The following ADARB2 variants were observed in gnomAD, a reference collection of about 807,000 sequenced individuals.
ADARB2 encodes the protein adenosine deaminase RNA specific B2 (inactive).
In ADARB2, 25 loss-of-function variants were observed where a neutral mutation model predicts 62.2. The ratio of observed to expected loss-of-function variants is 0.40; its 90% CI spans 0.29 to 0.56. The LOEUF (loss-of-function observed/expected upper bound fraction) is 0.56, where lower values mean the gene tolerates loss of function less well. Ranked by LOEUF, ADARB2 falls within the 20% of genes least tolerant of loss-of-function variation. The pLI is 0.43. For missense variants in ADARB2, 1,071 were observed against 1,077.4 expected, an observed-to-expected ratio of 0.99 and a Z score of 0.08; for synonymous variants, 572 against 500.8, an observed-to-expected ratio of 1.14 and a Z score of -1.90.
chr10:1,277,285 A>C (rs970463460), intron 3 of ADARB2, among the ~76,000 whole-genome samples: 16 of 152,232 alleles, frequency 1.1e-4, no homozygotes, highest in African/African-American at 3.9e-4. Flanking sequence ...ATAGAGACAC[A>C]AAAAACCCTT....
intron 3 of ADARB2, chr10:1,290,671 A>G (rs1328312121): frequency 1.3e-5 from 2 of 152,238 alleles, no homozygotes; most frequent in African/African-American, 4.8e-5. Context: ...CTGAGGGTTG[A>G]CGGTTGTGTG....
chr10:1,464,439 AGT>A (rs2131911847), intron 1 of ADARB2, among the ~76,000 whole-genome samples: 1 of 113,056 alleles, frequency 8.8e-6, no homozygotes, highest in Admixed American at 8.7e-5. Context: ...CACAGCGGGC[AGT>A]GCACCGGAGA....
At chr10:1,431,992 C>T (rs950964220) in intron 1 of ADARB2, among the ~76,000 whole-genome samples, 8 of 152,202 alleles carry the variant, frequency 5.3e-5, no homozygotes, top group Admixed American at 4.6e-4. Flanking sequence ...CTCCCCGCCA[C>T]ACTTCAGATT....
At chr10:1,657,730 C>T (rs1211004546) in intron 1 of ADARB2, among the ~76,000 whole-genome samples, 2 of 152,202 alleles carry the variant, frequency 1.3e-5, no homozygotes, top group African/African-American at 4.8e-5. Context: ...GAGCCAGGGG[C>T]CATGGTGAGA....
intron 3 of ADARB2, among the ~76,000 whole-genome samples, chr10:1,310,781 G>A (rs1831683175): frequency 6.6e-6 from 1 of 152,170 alleles, no homozygotes; most frequent in African/African-American, 2.4e-5. Context: ...TCTGACTCTC[G>A]TTTCCCCAAG....
intron 1 of ADARB2, among the ~76,000 whole-genome samples, chr10:1,515,755 C>T (rs931176685): frequency 4.6e-5 from 7 of 152,340 alleles, no homozygotes; most frequent in Non-Finnish European, 8.8e-5. Context: ...TCTTCCAGGC[C>T]CGGAAGGTGC....
chr10:1,632,635 A>C (rs1439532557), intron 1 of ADARB2, among the ~76,000 whole-genome samples: 1 of 152,188 alleles, frequency 6.6e-6, no homozygotes, highest in Non-Finnish European at 1.5e-5. Context: ...AACTGCCCTA[A>C]AGCCCTGAGA....
chr10:1,535,869 G>A (rs1173338979), intron 1 of ADARB2, among the ~76,000 whole-genome samples: 5 of 152,172 alleles, frequency 3.3e-5, no homozygotes, highest in Admixed American at 6.5e-5. Flanking sequence ...CTGCTGAGGC[G>A]TGGGGGCCAG....
At chr10:1,424,135 C>T (rs766790143) in intron 1 of ADARB2, among the ~76,000 whole-genome samples, 2 of 143,368 alleles carry the variant, frequency 1.4e-5, no homozygotes, top group South Asian at 2.2e-4. Flanking sequence ...GGGTCTACTA[C>T]GTATACAGTG....
intron 1 of ADARB2, among the ~76,000 whole-genome samples, chr10:1,544,642 C>G (rs369336699): frequency 6.6e-6 from 1 of 152,014 alleles, no homozygotes; most frequent in Non-Finnish European, 1.5e-5. Flanking sequence ...CAGGTACAGA[C>G]CCTGCTCTTA....
chr10:1,304,349 A>T (rs1350271635), intron 3 of ADARB2, among the ~76,000 whole-genome samples: 3 of 149,884 alleles, frequency 2.0e-5, no homozygotes, highest in African/African-American at 7.3e-5. Context: ...TATGCACCCA[A>T]TACAGGAGCA....
chr10:1,646,210 C>T (rs11592943), intron 1 of ADARB2, among the ~76,000 whole-genome samples: 77,207 of 152,094 alleles, frequency 0.51, 21,960 homozygotes, highest in Non-Finnish European at 0.64. Context: ...GCTCTGAAAA[C>T]GATGTGTCCT....
At chr10:1,330,395 T>A (rs1831917958) in intron 3 of ADARB2, among the ~76,000 whole-genome samples, 1 of 152,190 alleles carries the variant, frequency 6.6e-6, no homozygotes, top group Non-Finnish European at 1.5e-5. Flanking sequence ...TAAATCACTC[T>A]ATTAATTTGT....
chr10:1,434,102 A>G (rs1045731203), intron 1 of ADARB2, among the ~76,000 whole-genome samples: 6 of 152,216 alleles, frequency 3.9e-5, no homozygotes, highest in Non-Finnish European at 2.9e-5. Context: ...AAAGGGTTTG[A>G]GTTTCAGGTG....
intron 1 of ADARB2, among the ~76,000 whole-genome samples, chr10:1,435,444 G>A (rs1052759376): frequency 1.3e-5 from 2 of 152,120 alleles, no homozygotes; most frequent in Admixed American, 6.5e-5. Context: ...CCGCTTGAGG[G>A]CAGAGCCTTT....
intron 4 of ADARB2, among the ~76,000 whole-genome samples, chr10:1,248,951 CAAGAG>C (rs755249985): frequency 4.6e-5 from 7 of 152,144 alleles, no homozygotes; most frequent in Non-Finnish European, 1.0e-4. Context: ...CATATAAAGA[CAAGAG>C]AAGCCTTCGG....
chr10:1,511,241 G>T (rs1831932965), intron 1 of ADARB2, among the ~76,000 whole-genome samples: 1 of 152,204 alleles, frequency 6.6e-6, no homozygotes, highest in Non-Finnish European at 1.5e-5. Flanking sequence ...AAGCTAAGGT[G>T]AAGTGCTATG....
chr10:1,278,293 T>C (rs1039837191), intron 3 of ADARB2, among the ~76,000 whole-genome samples: 2 of 149,630 alleles, frequency 1.3e-5, no homozygotes, highest in South Asian at 4.2e-4. Context: ...TTTTTTCTTT[T>C]TTTTTTTTTA....
At position 1,510,729 on chromosome 10, in the gene ADARB2, C is replaced by T. The variant is rs544952134; in HGVS notation, c.101-131569G>A. 2.6e-5 allele frequency among the ~76,000 whole-genome samples: 4 copies of T among 152,202 alleles called. No homozygotes were observed. The South Asian group carries it at 8.3e-4, about 32-fold the overall frequency. On this transcript the variant is annotated intron_variant, in intron 1 of 9. Coordinates refer to ENST00000381312, the MANE Select transcript of ADARB2 (RefSeq NM_018702.4). ...TACTGTGAATCTCAGACTAATGACT[C>T]CCCCACCCCCTACAGTCCCTTCTTC...
Sources: gnomAD v4.1 joint callset for allele counts (sites outside exome capture counted in the v4.1 genomes callset) on GRCh38, gnomAD v4.1.1 for gene constraint, MANE v1.5 for transcripts, NCBI Gene and HGNC (gene_info 2026-07-23, HGNC 2026-07-21) for gene names.